The following TM6SF1 variants were observed in gnomAD, a reference collection of about 807,000 sequenced individuals.
The protein encoded by TM6SF1 is transmembrane 6 superfamily member 1.
Under a neutral mutation model 47.1 loss-of-function variants are expected in TM6SF1, and 43 were observed. The observed-to-expected ratio is 0.91, with a 90% CI of 0.72 to 1.18. The LOEUF is 1.18. TM6SF1 is among the 50% of genes most tolerant of loss of function. The pLI is 0.00. For missense variants in TM6SF1, 390 were observed against 449.0 expected (o/e 0.87, Z 1.19); for synonymous variants, 177 against 166.3 (o/e 1.06, Z -0.49).
intron 2 of TM6SF1, 130 bp from the exon 3 acceptor site, chr15:83,115,714 CT>C: frequency 1.4e-6 from 1 of 735,998 alleles, no homozygotes; most frequent in South Asian, 1.5e-5. Flanking sequence ...TTCTGTTAGT[CT>C]ATCTCGATAA....
chr15:83,126,442 A>T (rs2035756559), intron 7 of TM6SF1, among the ~76,000 whole-genome samples: 1 of 152,236 alleles, frequency 6.6e-6, no homozygotes, highest in Non-Finnish European at 1.5e-5. Flanking sequence ...AGTTATTTCC[A>T]AGAAAAGTGA....
In TM6SF1 at chr15:83,122,772, G is replaced by A. The variant is rs142876988; in HGVS notation, c.497G>A (p.Arg166Gln). The A allele has an allele frequency of 5.9e-5, 95 of 1,613,776 alleles. No individual in the cohort carries two copies. The highest frequency in any genetic ancestry group is 2.2e-5 in the East Asian group (1 of 44,860). The part of the protein sequence containing the change: ...PGNIVGKYGT[R>Q]ICPAFFLSIP... ...TTTTAAATAGGGAAGTATGGAACAC[G>A]AATTTGCCCTGCTTTTTTCTTAAGC... Residue 166 changes from arginine (R) to glutamine (Q), a missense_variant, in exon 6 of 10, where the codon CGA (arginine) becomes CAA (glutamine). By Grantham distance (43) the Arg-to-Gln change is conservative. Transcript: ENST00000322019.
intron 7 of TM6SF1, 93 bp downstream of exon 7, chr15:83,124,869 C>A: frequency 8.6e-7 from 1 of 1,158,580 alleles, no homozygotes; most frequent in Non-Finnish European, 1.3e-6. Context: ...GTTTTTCCAT[C>A]AGACTTCTTA....
intron 2 of TM6SF1, chr15:83,115,611 T>A: frequency 1.5e-6 from 1 of 658,140 alleles, no homozygotes; most frequent in Non-Finnish European, 2.8e-6. Flanking sequence ...TCTCCACTCC[T>A]GTGATGAGTG....
chr15:83,108,200 C>A (rs1267793649), intron 1 of TM6SF1, among the ~76,000 whole-genome samples: 2 of 152,190 alleles, frequency 1.3e-5, no homozygotes, highest in Non-Finnish European at 2.9e-5. Context: ...GCATACTTAT[C>A]ATTTCTTATT....
chr15:83,121,278 C>T (rs573308049), intron 4 of TM6SF1, among the ~76,000 whole-genome samples: 8 of 149,100 alleles, frequency 5.4e-5, no homozygotes, highest in African/African-American at 1.7e-4. Context: ...GATGGCGTTT[C>T]ACCATGTTGG....
intron 1 of TM6SF1, among the ~76,000 whole-genome samples, chr15:83,109,529 A>G (rs1453741101): frequency 6.6e-6 from 1 of 152,102 alleles, no homozygotes; most frequent in East Asian, 1.9e-4. Flanking sequence ...TTGCAGGTTA[A>G]AACCCCCGTG....
At chr15:83,118,395 G>A (rs940992274) in intron 3 of TM6SF1, among the ~76,000 whole-genome samples, 5 of 152,216 alleles carry the variant, frequency 3.3e-5, no homozygotes, top group African/African-American at 4.8e-5. Context: ...TGCTCATCAA[G>A]CTACCAGGAG....
chr15:83,107,856 G>A lies in TM6SF1; in HGVS notation c.92+84G>A. 6.7e-7 allele frequency: 1 copy of A among 1,485,340 alleles called. No homozygotes were observed. Among genetic ancestry groups the A allele is most frequent in the East Asian group, 2.9e-5 (1 of 34,370 alleles). 92.0% of individuals were successfully genotyped at this position (1,485,340 alleles called of 1,614,324 possible). A position where few individuals can be genotyped will look rare whatever the true frequency, so the allele number is the denominator to read the frequency against. On this transcript the variant is annotated intron_variant, in intron 1 of 9. Coordinates refer to ENST00000322019, the MANE Select transcript of TM6SF1 (RefSeq NM_023003.5). This position sits in a 1 kb window ranked among gnomAD's most constrained non-coding sequence, Gnocchi z 5.6. Reference sequence around the variant, plus strand: ...GACGGGAGCCTCGCAACTTTTCCGAGGGGGCTGGGACCGTCCGCCGCGGGA... The same window carrying A: ...GACGGGAGCCTCGCAACTTTTCCGAAGGGGCTGGGACCGTCCGCCGCGGGA...
At chr15:83,123,454 G>C (rs533989789) in intron 6 of TM6SF1, among the ~76,000 whole-genome samples, 1 of 152,210 alleles carries the variant, frequency 6.6e-6, no homozygotes, top group South Asian at 2.1e-4. Flanking sequence ...TTCTAAGCTA[G>C]TTTCTCTCTG....
intron 9 of TM6SF1, 107 bp downstream of exon 9, chr15:83,127,584 A>G (rs1215590217): frequency 1.6e-6 from 2 of 1,242,608 alleles, no homozygotes; most frequent in East Asian, 2.4e-5. Context: ...GATAGCTATT[A>G]GACATGTCAC....
intron 3 of TM6SF1, among the ~76,000 whole-genome samples, chr15:83,116,686 G>C (rs998591579): frequency 7.2e-5 from 11 of 152,190 alleles, no homozygotes; most frequent in Admixed American, 2.0e-4. Flanking sequence ...CACCAGTCAG[G>C]AGGCTTCCTC....
At chr15:83,112,738 T>G in intron 1 of TM6SF1, 59 bp from the exon 2 acceptor site, 1 of 1,254,024 alleles carries the variant, frequency 8.0e-7, no homozygotes, top group Non-Finnish European at 1.2e-6. Context: ...AGTCAGGAAA[T>G]TCCAGGCACC....
At chr15:83,119,412 G>C (rs1271276484) in intron 3 of TM6SF1, among the ~76,000 whole-genome samples, 166 bp from the exon 4 acceptor site, 2 of 152,204 alleles carry the variant, frequency 1.3e-5, no homozygotes, top group African/African-American at 4.8e-5. Context: ...GGCAGCTCCA[G>C]CGTAAAGTTG....
chr15:83,118,678 C>T (rs1210099361), intron 3 of TM6SF1, among the ~76,000 whole-genome samples: 1 of 152,124 alleles, frequency 6.6e-6, no homozygotes, highest in Non-Finnish European at 1.5e-5. Context: ...TTGATCTGCA[C>T]TCTTCCTTGT....
At chr15:83,119,440 C>A in intron 3 of TM6SF1, 138 bp from the exon 4 acceptor site, 1 of 918,742 alleles carries the variant, frequency 1.1e-6, no homozygotes, top group Non-Finnish European at 1.7e-6. Context: ...ATGTTCCTAC[C>A]AATTTTGAAG....
chr15:83,122,681 A>T (rs2035378166), intron 5 of TM6SF1, 76 bp from the exon 6 acceptor site: 3 of 1,536,132 alleles, frequency 2.0e-6, no homozygotes. Flanking sequence ...ATGACCTGAG[A>T]TGGGGAGGTA....
At chr15:83,131,784 A>C in intron 9 of TM6SF1, 1 of 152,218 alleles carries the variant, frequency 6.6e-6, no homozygotes, top group East Asian at 1.9e-4. Flanking sequence ...TTTTAGACCA[A>C]AGAGTTCCAC....
Position 83,136,652 on chromosome 15 carries a change from G to A in TM6SF1, c.1093G>A (p.Ala365Thr), listed in dbSNP as rs1311073941. 4 of 1,593,824 alleles carry A rather than the reference G, an allele frequency of 2.5e-6. No individual in the cohort carries two copies. The highest frequency in any genetic ancestry group is 1.9e-5 in the Admixed American group (1 of 53,538). The stretch of plus-strand genomic sequence containing the variant: ...ACCAGAGTTCTTCATAAAAACAAAG[G>A]CAGAAGAAAAAGTGGAATAAAAATA... ...YKPEFFIKTK[A>T]EEKVE The change falls in exon 10 of 10, where the codon GCA becomes ACA. Residue 365 changes from alanine (A) to threonine (T), a missense_variant. By Grantham distance (58) the Ala-to-Thr change is moderately conservative. Transcript: ENST00000322019.
Sources: gnomAD v4.1 joint callset for allele counts (sites outside exome capture counted in the v4.1 genomes callset) on GRCh38, gnomAD v4.1.1 for gene constraint, Gnocchi (gnomAD v3.1) non-coding constraint, MANE v1.5 for transcripts, NCBI Gene and HGNC (gene_info 2026-07-23, HGNC 2026-07-21) for gene names.